Variants in RHBDD1 observed in about 807,000 individuals in gnomAD.
RHBDD1 encodes the protein rhomboid-related protein 4.
RHBDD1 carries 38 observed loss-of-function variants against 36.3 expected under a neutral mutation model. The observed-to-expected ratio is 1.05, with a 90% CI of 0.81 to 1.37. The LOEUF (loss-of-function observed/expected upper bound fraction) is 1.37, where lower values mean the gene tolerates loss of function less well. RHBDD1 is among the 40% of genes most tolerant of loss of function. The pLI, the probability that RHBDD1 is intolerant of heterozygous loss-of-function variation, is 0.00. For synonymous variants in RHBDD1, 151 were observed against 136.5 expected, an observed-to-expected ratio of 1.11 and a Z score of -0.74; for missense variants, 393 against 377.6, an observed-to-expected ratio of 1.04 and a Z score of -0.34.
At chr2:226,937,936 A>G (rs998990048) in intron 8 of RHBDD1, among the ~76,000 whole-genome samples, 1 of 152,112 alleles carries the variant, frequency 6.6e-6, no homozygotes. Flanking sequence ...AGGACAATTT[A>G]TATTCCTATG....
At chr2:226,858,635 C>A (rs939676668) in intron 3 of RHBDD1, among the ~76,000 whole-genome samples, 13 of 152,088 alleles carry the variant, frequency 8.5e-5, no homozygotes, top group African/African-American at 2.7e-4. Flanking sequence ...AATTGAAAAT[C>A]ACTGAAATTA....
chr2:226,990,717 C>G (rs909019148), intron 8 of RHBDD1, among the ~76,000 whole-genome samples: 12 of 152,150 alleles, frequency 7.9e-5, no homozygotes, highest in African/African-American at 2.7e-4. Flanking sequence ...AACCACAAAT[C>G]AATAAATTTT....
chr2:226,808,877 A>C, the RHBDD1 span, among the ~76,000 whole-genome samples: 1 of 152,154 alleles, frequency 6.6e-6, no homozygotes, highest in Admixed American at 6.5e-5. Context: ...AAAAAAAAAA[A>C]AACTTGTAGT....
intron 8 of RHBDD1, among the ~76,000 whole-genome samples, chr2:226,980,276 GCT>G: frequency 6.6e-6 from 1 of 152,260 alleles, no homozygotes; most frequent in East Asian, 1.9e-4. Flanking sequence ...TTCAACCTCA[GCT>G]CTTTCTGATT....
At chr2:226,822,649 A>AG in the RHBDD1 span, among the ~76,000 whole-genome samples, 116 of 150,604 alleles carry the variant, frequency 7.7e-4, no homozygotes, top group East Asian at 2.7e-3. Context: ...AAAAAAAAAA[A>AG]AAAGAAAATA....
At chr2:226,823,327 T>C in the RHBDD1 span, among the ~76,000 whole-genome samples, 1 of 152,182 alleles carries the variant, frequency 6.6e-6, no homozygotes, top group Non-Finnish European at 1.5e-5. Context: ...GTCTAATGCA[T>C]TTTGTTATAA....
chr2:226,802,420 AC>A, the RHBDD1 span, among the ~76,000 whole-genome samples: 1 of 152,214 alleles, frequency 6.6e-6, no homozygotes, highest in Non-Finnish European at 1.5e-5. Flanking sequence ...TTATAATTAT[AC>A]TACAGTAAAT....
chr2:226,919,499 T>A (rs1949154320), intron 8 of RHBDD1, among the ~76,000 whole-genome samples: 1 of 152,162 alleles, frequency 6.6e-6, no homozygotes. Context: ...GATTTTTGTA[T>A]ATGGTGAGAG....
chr2:226,873,933 C>T (rs1163532862), intron 5 of RHBDD1, among the ~76,000 whole-genome samples: 8 of 152,266 alleles, frequency 5.3e-5, no homozygotes, highest in Non-Finnish European at 1.0e-4. Flanking sequence ...AATTGACTCA[C>T]AGTTCCCCAT....
chr2:226,828,218 T>C, the RHBDD1 span, among the ~76,000 whole-genome samples: 1 of 152,234 alleles, frequency 6.6e-6, no homozygotes, highest in Non-Finnish European at 1.5e-5. Flanking sequence ...AATCACACTA[T>C]ATGTAGACTT....
intron 5 of RHBDD1, among the ~76,000 whole-genome samples, chr2:226,899,172 C>T (rs751176874): frequency 6.6e-6 from 1 of 152,178 alleles, no homozygotes; most frequent in Non-Finnish European, 1.5e-5. Context: ...CTCAGCGTTA[C>T]AATAGCCTCT....
At chr2:226,859,290 A>C (rs67470615) in intron 3 of RHBDD1, among the ~76,000 whole-genome samples, 25,927 of 152,184 alleles carry the variant, frequency 0.17, 3,357 homozygotes, top group African/African-American at 0.36. Flanking sequence ...AGCACTGAAC[A>C]TGTACAGACT....
chr2:226,919,427 T>C (rs1215128423), intron 8 of RHBDD1, among the ~76,000 whole-genome samples: 2 of 152,130 alleles, frequency 1.3e-5, no homozygotes, highest in African/African-American at 4.8e-5. Flanking sequence ...TTCCCCAACA[T>C]TTTCTTTTAG....
At chr2:226,850,869 T>C (rs547847622) in intron 3 of RHBDD1, among the ~76,000 whole-genome samples, 57 of 152,298 alleles carry the variant, frequency 3.7e-4, no homozygotes, top group African/African-American at 1.3e-3. Context: ...ATGAGACTTC[T>C]TTGGTGACCA....
At chr2:226,842,809 G>A (rs1559183141) in intron 3 of RHBDD1, among the ~76,000 whole-genome samples, 2 of 152,102 alleles carry the variant, frequency 1.3e-5, no homozygotes, top group African/African-American at 2.4e-5. Flanking sequence ...CTAAATCTGC[G>A]AACAATGTCA....
intron 8 of RHBDD1, among the ~76,000 whole-genome samples, chr2:226,958,373 A>C (rs1172206498): frequency 6.6e-6 from 1 of 152,150 alleles, no homozygotes; most frequent in Non-Finnish European, 1.5e-5. Context: ...GCCTAAAGGT[A>C]GTGGGGTGGG....
chr2:226,974,084 G>A (rs1045855758), intron 8 of RHBDD1, among the ~76,000 whole-genome samples: 37 of 152,052 alleles, frequency 2.4e-4, no homozygotes, highest in Non-Finnish European at 4.7e-4. Context: ...TCTCACCTGC[G>A]ATTCCTTTTT....
At chr2:226,951,068 C>T (rs191674389) in intron 8 of RHBDD1, among the ~76,000 whole-genome samples, 51 of 152,248 alleles carry the variant, frequency 3.3e-4, no homozygotes, top group Non-Finnish European at 1.8e-4. Context: ...AGCTCTTCCC[C>T]TCCATTTTCT....
chr2:226,833,862 T>C (rs1205601631), upstream of RHBDD1, among the ~76,000 whole-genome samples: 1 of 152,202 alleles, frequency 6.6e-6, no homozygotes, highest in Non-Finnish European at 1.5e-5. Context: ...TGAAATGGGA[T>C]ATGAGCATGT....
Sources: allele counts gnomAD v4.1 joint callset (sites outside exome capture counted in the v4.1 genomes callset), GRCh38; gene constraint gnomAD v4.1.1; transcripts MANE v1.5; gene names NCBI Gene and HGNC (gene_info 2026-07-23, HGNC 2026-07-21).